Variants in PTPRQ observed in about 807,000 individuals in gnomAD.
PTPRQ encodes the protein protein tyrosine phosphatase receptor type Q, also known as phosphatidylinositol phosphatase PTPRQ.
Under a neutral mutation model 246.0 loss-of-function variants are expected in PTPRQ, and 199 were observed. The ratio of observed to expected loss-of-function variants is 0.81; its 90% CI spans 0.72 to 0.91. The LOEUF (loss-of-function observed/expected upper bound fraction) is 0.91, where lower values mean the gene tolerates loss of function less well. PTPRQ is among the 40% of genes least tolerant of loss of function. PTPRQ has a pLI of 0.00. For synonymous variants in PTPRQ, 869 were observed against 853.2 expected (o/e 1.02, Z -0.32); for missense variants, 2,624 against 2,528.4 (o/e 1.04, Z -0.81).
intron 3 of PTPRQ, among the ~76,000 whole-genome samples, chr12:80,454,779 T>TA (rs1227786205): frequency 1.3e-5 from 2 of 152,204 alleles, no homozygotes; most frequent in Non-Finnish European, 2.9e-5. Context: ...TTAAGTTTAA[T>TA]AAAAAAGTAG....
intron 6 of PTPRQ, 150 bp from the exon 7 acceptor site, chr12:80,468,560 C>A: frequency 2.8e-6 from 2 of 721,614 alleles, no homozygotes; most frequent in Non-Finnish European, 4.1e-6. Flanking sequence ...AATTATATTC[C>A]ATTTATTCTT....
chr12:80,677,399 C>G (rs113210494), intron 43 of PTPRQ, among the ~76,000 whole-genome samples: 2,200 of 152,258 alleles, frequency 0.014, 24 homozygotes, highest in Non-Finnish European at 0.024. Context: ...TAAACTAGAT[C>G]ATCCACCTCA....
chr12:80,595,683 T>G (rs1897946461), intron 26 of PTPRQ, among the ~76,000 whole-genome samples: 1 of 151,726 alleles, frequency 6.6e-6, no homozygotes, highest in Non-Finnish European at 1.5e-5. Context: ...TCATTTAGCA[T>G]TAGGTATATC....
intron 17 of PTPRQ, among the ~76,000 whole-genome samples, chr12:80,516,864 G>C (rs895797162): frequency 6.6e-6 from 1 of 152,184 alleles, no homozygotes; most frequent in Non-Finnish European, 1.5e-5. Context: ...CTCAGTGGAG[G>C]CAGTGTATGA....
chr12:80,480,847 A>G (rs1894019435), intron 8 of PTPRQ, among the ~76,000 whole-genome samples: 1 of 152,212 alleles, frequency 6.6e-6, no homozygotes, highest in Admixed American at 6.5e-5. Context: ...CTCTGAATAG[A>G]CCAATAACAG....
At chr12:80,621,294 G>C (rs960050692) in intron 32 of PTPRQ, among the ~76,000 whole-genome samples, 1 of 151,840 alleles carries the variant, frequency 6.6e-6, no homozygotes, top group African/African-American at 2.4e-5. Flanking sequence ...CAAGTATCAT[G>C]TTTATTCATA....
intron 7 of PTPRQ, among the ~76,000 whole-genome samples, chr12:80,471,626 C>T (rs866248001): frequency 2.3e-5 from 3 of 129,218 alleles, no homozygotes; most frequent in East Asian, 2.2e-4. Context: ...TACAGGCGCG[C>T]GCCACTACGC....
At chr12:80,649,004 T>A in intron 36 of PTPRQ, 81 bp downstream of exon 36, 2 of 1,331,042 alleles carry the variant, frequency 1.5e-6, no homozygotes, top group Admixed American at 3.4e-5. Flanking sequence ...TAATGTGTGA[T>A]TCACTTTTTG....
chr12:80,498,544 T>C (rs1378044581), intron 14 of PTPRQ, among the ~76,000 whole-genome samples: 1 of 152,090 alleles, frequency 6.6e-6, no homozygotes, highest in African/African-American at 2.4e-5. Flanking sequence ...TGGAAAGTGA[T>C]GAGCTGGAAT....
rs905690251 is a variant in PTPRQ, at chr12:80,493,473, T to G, written c.1540+18T>G. On this transcript the variant is annotated intron_variant, in intron 10 of 44. Transcript: ENST00000644991. ...ACCAGTTGGTAGGTAGAATTTTGATTTTCTATAAAGTTCATTTAAACCACC... is the reference window on the plus strand; with the variant it reads ...ACCAGTTGGTAGGTAGAATTTTGATGTTCTATAAAGTTCATTTAAACCACC... 18 of 1,543,842 alleles carry G rather than the reference T, an allele frequency of 1.2e-5. No individual in the cohort carries two copies. In the African/African-American group the frequency reaches 2.3e-4, roughly 20 times the overall value.
chr12:80,639,134 A>G (rs1249428991), intron 35 of PTPRQ, among the ~76,000 whole-genome samples: 3 of 152,200 alleles, frequency 2.0e-5, no homozygotes, highest in Non-Finnish European at 4.4e-5. Context: ...CACCTTGTGG[A>G]TTGCCTTTAA....
intron 7 of PTPRQ, among the ~76,000 whole-genome samples, chr12:80,471,816 C>T (rs1339697462): frequency 2.4e-4 from 37 of 151,782 alleles, no homozygotes; most frequent in Admixed American, 2.4e-3. Flanking sequence ...TTGATGCTTC[C>T]CTTTTCAATA....
intron 35 of PTPRQ, among the ~76,000 whole-genome samples, chr12:80,641,962 CTTCT>C (rs145806921): frequency 0.089 from 12,831 of 143,464 alleles, 715 homozygotes; most frequent in South Asian, 0.19. Context: ...TCTCTTTTTT[CTTCT>C]TTCTTTCTTT....
At position 80,514,402 on chromosome 12, in the gene PTPRQ, A is replaced by ACACACACACACTCTCTCTCT. The variant is rs552667526; in HGVS notation, c.2678+3960_2678+3961insACACACACACTCTCTCTCTC. Among the ~76,000 whole-genome samples the ACACACACACACTCTCTCTCT allele has an allele frequency of 6.3e-4, 71 of 113,016 alleles. 1 individual carries two copies. Among genetic ancestry groups the ACACACACACACTCTCTCTCT allele is most frequent in the African/African-American group, 1.5e-3 (47 of 30,978 alleles). 74.1% of individuals were successfully genotyped at this position (113,016 alleles called of 152,430 possible). A position where few individuals can be genotyped will look rare whatever the true frequency, so the allele number is the denominator to read the frequency against. On this transcript the variant is annotated intron_variant, in intron 17 of 44. Transcript: ENST00000644991. The stretch of plus-strand genomic sequence containing the variant: ...CACACACACACACACACACACACAC[A>ACACACACACACTCTCTCTCT]CTCTCTCTCTCTCTCTCTGCTTTAA...
chr12:80,481,116 A>C (rs556060981), intron 8 of PTPRQ, among the ~76,000 whole-genome samples: 34 of 152,344 alleles, frequency 2.2e-4, no homozygotes, highest in Admixed American at 6.5e-4. Context: ...ATTGATGCAA[A>C]AATCCTCAGT....
At chr12:80,638,863 A>T (rs1899754067) in intron 35 of PTPRQ, among the ~76,000 whole-genome samples, 1 of 152,252 alleles carries the variant, frequency 6.6e-6, no homozygotes, top group Admixed American at 6.5e-5. Context: ...TTTTATGTTT[A>T]AGTTTAGATA....
chr12:80,627,415 G>A (rs1048063480), intron 33 of PTPRQ, among the ~76,000 whole-genome samples: 2 of 150,668 alleles, frequency 1.3e-5, no homozygotes, highest in East Asian at 3.9e-4. Flanking sequence ...GGAGGAAGGG[G>A]AGGAGGAGAA....
rs747913478 is a variant in PTPRQ at position 80,616,213 on chromosome 12, A to G, written c.5177A>G (p.Asn1726Ser). 3.3e-5 allele frequency: 49 copies of G among 1,488,936 alleles called. No homozygotes were observed. Among genetic ancestry groups the G allele is most frequent in the South Asian group, 3.1e-4 (23 of 73,810 alleles). The allele number at this position is 1,488,936 out of a possible 1,614,324, so 92.2% of individuals were successfully genotyped here. The change falls in exon 30 of 45, where the codon AAT (asparagine) becomes AGT (serine). Residue 1726 changes from asparagine (N) to serine (S), a missense_variant. Physicochemically the swap from Asn to Ser is conservative, Grantham distance 46. Transcript: ENST00000644991. ...TGTTTGTTTTAGGTTTACGCAGTCA[A>G]TAGTGCTGGTGCAGGTCCAAAGGTT... is the stretch of plus-strand genomic sequence containing the variant. ...HTYNISVYAV[N>S]SAGAGPKVPM...
intron 38 of PTPRQ, among the ~76,000 whole-genome samples, chr12:80,654,693 C>CAAAAAAAAAAAAA (rs57224729): frequency 8.9e-6 from 1 of 112,066 alleles, no homozygotes. Flanking sequence ...ACTAAAAATC[C>CAAAAAAAAAAAAA]AAAAAAAAAA....
Sources: gnomAD v4.1 joint callset for allele counts (sites outside exome capture counted in the v4.1 genomes callset) on GRCh38, gnomAD v4.1.1 for gene constraint, MANE v1.5 for transcripts, NCBI Gene and HGNC (gene_info 2026-07-23, HGNC 2026-07-21) for gene names.